The following SNTG1 variants were observed in gnomAD, a reference collection of about 807,000 sequenced individuals.
SNTG1 encodes gamma-1-syntrophin.
Under a neutral mutation model 74.7 loss-of-function variants are expected in SNTG1, and 39 were observed. The ratio of observed to expected loss-of-function variants is 0.52; its 90% CI spans 0.40 to 0.68. The LOEUF (loss-of-function observed/expected upper bound fraction) is 0.68. Among genes scored for constraint, SNTG1 ranks in the 30% least tolerant of loss-of-function variants. The pLI, the probability that SNTG1 is intolerant of heterozygous loss-of-function variation, is 0.00. For missense variants in SNTG1, 685 were observed against 609.5 expected (o/e 1.12, Z -1.30); for synonymous variants, 254 against 217.1 (o/e 1.17, Z -1.49).
intron 2 of SNTG1, among the ~76,000 whole-genome samples, chr8:50,218,362 A>C (rs964419717): frequency 1.3e-5 from 2 of 152,202 alleles, no homozygotes; most frequent in African/African-American, 4.8e-5. Context: ...CTCACAAAGA[A>C]AAGAATTCAT....
intron 4 of SNTG1, among the ~76,000 whole-genome samples, chr8:50,414,735 G>C (rs969996022): frequency 3.3e-5 from 5 of 152,042 alleles, no homozygotes; most frequent in African/African-American, 9.7e-5. Context: ...GATTAGTTGT[G>C]TGTGTGTGCA....
chr8:50,413,348 T>C (rs943160919), intron 4 of SNTG1, among the ~76,000 whole-genome samples: 1 of 152,220 alleles, frequency 6.6e-6, no homozygotes, highest in African/African-American at 2.4e-5. Flanking sequence ...GTTTTTTTCT[T>C]CTTCCTTAAA....
intron 2 of SNTG1, among the ~76,000 whole-genome samples, chr8:50,230,840 C>CT (rs71235782): frequency 0.89 from 129,019 of 145,632 alleles, 58,387 homozygotes; most frequent in East Asian, 1. Context: ...GTTTGGGTAA[C>CT]TTTTTTTTTT....
Position 50,372,243 on chromosome 8 carries a change from C to T in SNTG1, c.-27-21969C>T, listed in dbSNP as rs540107867. Among the ~76,000 whole-genome samples the T allele has an allele frequency of 2.4e-4, 36 of 150,876 alleles. 1 individual carries two copies. The South Asian group carries it at 5.9e-3, about 25-fold the overall frequency. On this transcript the variant is annotated intron_variant, in intron 2 of 18. Transcript: ENST00000642720. ...GTGTGTGTGTGTGTGTGGTGGCATG[C>T]TTTGATTCCTTTGCCATTTTATTTT...
At chr8:50,406,546 C>T (rs368069265) in intron 4 of SNTG1, among the ~76,000 whole-genome samples, 2 of 152,214 alleles carry the variant, frequency 1.3e-5, no homozygotes, top group South Asian at 2.1e-4. Context: ...TGCCTTATTA[C>T]TCTCGTTAAG....
chr8:50,321,384 C>T (rs1030546761), intron 2 of SNTG1, among the ~76,000 whole-genome samples: 4 of 151,916 alleles, frequency 2.6e-5, no homozygotes, highest in African/African-American at 9.7e-5. Context: ...TTGCATGGAA[C>T]ATATTTTTCC....
At chr8:49,910,635 C>A (rs955426251), upstream of SNTG1, among the ~76,000 whole-genome samples, 3 of 152,138 alleles carry the variant, frequency 2.0e-5, no homozygotes, top group Non-Finnish European at 2.9e-5. Context: ...CTTCTTTATG[C>A]TCGTTGTCAG....
intron 9 of SNTG1, among the ~76,000 whole-genome samples, chr8:50,509,112 G>A (rs1336343738): frequency 6.6e-6 from 1 of 152,180 alleles, no homozygotes; most frequent in Non-Finnish European, 1.5e-5. Flanking sequence ...GTTTATGGAA[G>A]GGATCCAGTT....
rs931946153 is a variant in SNTG1, at chr8:50,731,338, T to C, written c.1285-20663T>C. On this transcript the variant is annotated intron_variant, in intron 17 of 18. Coordinates refer to ENST00000642720, the MANE Select transcript of SNTG1 (RefSeq NM_018967.5). ...TAGGCAACTACTGATTATCCTAGAGTGCATGAACTTTACCAGTATGAGAAA... is the reference window on the plus strand; with the variant it reads ...TAGGCAACTACTGATTATCCTAGAGCGCATGAACTTTACCAGTATGAGAAA... 5.9e-5 allele frequency among the ~76,000 whole-genome samples: 9 copies of C among 152,188 alleles called. No individual in the cohort carries two copies. In the East Asian group the frequency reaches 7.7e-4, roughly 13 times the overall value.
intron 17 of SNTG1, among the ~76,000 whole-genome samples, chr8:50,741,862 G>C (rs557745721): frequency 6.6e-6 from 1 of 152,146 alleles, no homozygotes; most frequent in East Asian, 1.9e-4. Flanking sequence ...GTGATTGTGG[G>C]AAAGAGAGGG....
chr8:50,195,351 G>GC (rs985079613), intron 2 of SNTG1, among the ~76,000 whole-genome samples: 3 of 151,934 alleles, frequency 2.0e-5, no homozygotes, highest in African/African-American at 7.2e-5. Context: ...TTGAAAACTT[G>GC]CCCCGGGATA....
At chr8:50,419,883 TA>T (rs2093059987) in intron 4 of SNTG1, among the ~76,000 whole-genome samples, 4 of 136,704 alleles carry the variant, frequency 2.9e-5, no homozygotes, top group African/African-American at 1.0e-4. Context: ...ATAATTGAAA[TA>T]AAAACTCAAT....
At chr8:50,311,943 G>A (rs1177027101) in intron 2 of SNTG1, among the ~76,000 whole-genome samples, 3 of 152,136 alleles carry the variant, frequency 2.0e-5, no homozygotes, top group Non-Finnish European at 4.4e-5. Flanking sequence ...TGGGATCACT[G>A]CAGACTCTTA....
chr8:50,618,409 C>G (rs1289764916), intron 13 of SNTG1, among the ~76,000 whole-genome samples: 2 of 152,074 alleles, frequency 1.3e-5, no homozygotes, highest in Admixed American at 1.3e-4. Context: ...ATAATTCTAC[C>G]ATATACTACA....
At chr8:50,675,019 G>T (rs1001025248) in intron 15 of SNTG1, among the ~76,000 whole-genome samples, 11 of 151,980 alleles carry the variant, frequency 7.2e-5, no homozygotes. Flanking sequence ...ATTGCAGTAT[G>T]GTCTAAGAGA....
chr8:50,376,756 T>TATATATAGAGAGAGAGAGAG (rs1381048539), intron 2 of SNTG1, among the ~76,000 whole-genome samples: 90 of 89,932 alleles, frequency 1.0e-3, no homozygotes, highest in Middle Eastern at 7.5e-3. Flanking sequence ...TATATATATA[T>TATATATAGAGAGAGAGAGAG]AGAGAGAGAG....
At chr8:49,952,080 A>G (rs1457865904) in intron 1 of SNTG1, among the ~76,000 whole-genome samples, 1 of 152,054 alleles carries the variant, frequency 6.6e-6, no homozygotes, top group African/African-American at 2.4e-5. Flanking sequence ...AAGAAATGTT[A>G]TTTTAGATCT....
intron 2 of SNTG1, among the ~76,000 whole-genome samples, chr8:50,256,565 T>C (rs1343810079): frequency 6.6e-6 from 1 of 151,884 alleles, no homozygotes; most frequent in Non-Finnish European, 1.5e-5. Context: ...TATAAGGAAA[T>C]AGCAGAATTG....
At chr8:50,781,624 A>T (rs2095659717) in intron 18 of SNTG1, among the ~76,000 whole-genome samples, 2 of 152,138 alleles carry the variant, frequency 1.3e-5, no homozygotes, top group African/African-American at 4.8e-5. Context: ...GGTTTCCTGA[A>T]TACAGCACAT....
Sources: allele counts gnomAD v4.1 joint callset (sites outside exome capture counted in the v4.1 genomes callset), GRCh38; gene constraint gnomAD v4.1.1; transcripts MANE v1.5; gene names NCBI Gene and HGNC (gene_info 2026-07-23, HGNC 2026-07-21).